Variants in PRR16 observed in about 807,000 individuals in gnomAD.
The protein encoded by PRR16 is protein Largen.
In PRR16, 6 loss-of-function variants were observed where a neutral mutation model predicts 18.2. The ratio of observed to expected loss-of-function variants is 0.33; its 90% CI spans 0.18 to 0.65. PRR16 has a LOEUF of 0.65. PRR16 is among the 30% of genes least tolerant of loss of function. The pLI, the probability that PRR16 is intolerant of heterozygous loss-of-function variation, is 0.74. For missense variants in PRR16, 412 were observed against 376.6 expected (o/e 1.09, Z -0.78); for synonymous variants, 151 against 147.8 (o/e 1.02, Z -0.16).
intron 1 of PRR16, among the ~76,000 whole-genome samples, chr5:120,612,698 T>A (rs1285679096): frequency 6.6e-6 from 1 of 152,176 alleles, no homozygotes; most frequent in Non-Finnish European, 1.5e-5. Context: ...CAGGTATGTC[T>A]TTACCGGCAG....
At chr5:120,679,815 C>A (rs1379083019) in intron 1 of PRR16, among the ~76,000 whole-genome samples, 6 of 151,982 alleles carry the variant, frequency 3.9e-5, no homozygotes. Flanking sequence ...ACAAAAACAA[C>A]AAAATCAGTG....
intron 1 of PRR16, among the ~76,000 whole-genome samples, chr5:120,619,880 A>G (rs561328409): frequency 6.6e-6 from 1 of 152,220 alleles, no homozygotes; most frequent in South Asian, 2.1e-4. Context: ...ACAGTCAAGT[A>G]GAAGACTAAA....
At chr5:120,598,959 A>G (rs746230730) in intron 1 of PRR16, among the ~76,000 whole-genome samples, 3 of 151,910 alleles carry the variant, frequency 2.0e-5, no homozygotes, top group Non-Finnish European at 4.4e-5. Context: ...TCTTTATATT[A>G]TAGGTTTGCC....
intron 1 of PRR16, among the ~76,000 whole-genome samples, chr5:120,473,440 A>G (rs1358019947): frequency 2.6e-5 from 4 of 152,144 alleles, no homozygotes; most frequent in Non-Finnish European, 2.9e-5. Flanking sequence ...TGCAATATTG[A>G]GCACATTATT....
intron 1 of PRR16, among the ~76,000 whole-genome samples, chr5:120,664,881 A>G (rs1282796688): frequency 6.6e-6 from 1 of 151,328 alleles, no homozygotes; most frequent in Admixed American, 6.6e-5. Context: ...GTTGGTTCCA[A>G]GTCTTTGCTA....
the PRR16 span, among the ~76,000 whole-genome samples, chr5:120,713,751 A>G: frequency 6.6e-6 from 1 of 152,162 alleles, no homozygotes; most frequent in Non-Finnish European, 1.5e-5. Context: ...TGATAATTTT[A>G]AGGTTAATAA....
At chr5:120,522,261 T>C (rs1053953483) in intron 1 of PRR16, among the ~76,000 whole-genome samples, 2 of 152,224 alleles carry the variant, frequency 1.3e-5, no homozygotes, top group Non-Finnish European at 2.9e-5. Context: ...TCTTCCACAA[T>C]GGTTGAACTA....
intron 1 of PRR16, among the ~76,000 whole-genome samples, chr5:120,674,716 C>G (rs1278528270): frequency 1.3e-5 from 2 of 151,998 alleles, no homozygotes; most frequent in Non-Finnish European, 2.9e-5. Flanking sequence ...TTATTACCAT[C>G]TCACAATTTC....
intron 1 of PRR16, among the ~76,000 whole-genome samples, chr5:120,675,230 A>G (rs556265051): frequency 4.1e-4 from 62 of 152,284 alleles, no homozygotes; most frequent in Non-Finnish European, 7.6e-4. Flanking sequence ...GACTTTCCCA[A>G]TGAAAAAAAT....
At chr5:120,690,946 G>T (rs574047447), downstream of PRR16, among the ~76,000 whole-genome samples, 50 of 152,232 alleles carry the variant, frequency 3.3e-4, no homozygotes, top group African/African-American at 1.1e-3. Context: ...TCGACATGGG[G>T]TATGGAATTG....
the PRR16 span, among the ~76,000 whole-genome samples, chr5:120,772,517 C>T: frequency 5.3e-5 from 8 of 151,964 alleles, no homozygotes; most frequent in African/African-American, 1.9e-4. Flanking sequence ...TTAATAAACT[C>T]AATATTTCCT....
chr5:120,526,912 C>G (rs1307757306), intron 1 of PRR16, among the ~76,000 whole-genome samples: 3 of 152,048 alleles, frequency 2.0e-5, no homozygotes, highest in Admixed American at 2.0e-4. Flanking sequence ...TTTAAGTATA[C>G]AATATATTGT....
Position 120,686,305 on chromosome 5 carries a change from A to G in PRR16, c.511A>G (p.Ile171Val), listed in dbSNP as rs910333808. 3 of 1,614,054 alleles carry G rather than the reference A, an allele frequency of 1.9e-6. No homozygotes were observed. The African/African-American group carries it at 4.0e-5, about 22-fold the overall frequency. Residue 171 changes from isoleucine (I) to valine (V), a missense_variant, in exon 2 of 2, where the codon ATC becomes GTC. Ile to Val is a conservative substitution (Grantham distance 29). Transcript: ENST00000407149. ...GGPNKIPNGD[I>V]CCIPNSNLDK... ...ACCTAACAAAATTCCAAATGGAGAT[A>G]TCTGCTGCATACCCAACAGTAACTT...
chr5:120,629,339 C>T (rs1409361890), intron 1 of PRR16, among the ~76,000 whole-genome samples: 1 of 151,966 alleles, frequency 6.6e-6, no homozygotes, highest in Non-Finnish European at 1.5e-5. Flanking sequence ...CAATAATATA[C>T]TCAATAATGA....
At chr5:120,613,881 A>G (rs1036514435) in intron 1 of PRR16, among the ~76,000 whole-genome samples, 3 of 152,210 alleles carry the variant, frequency 2.0e-5, no homozygotes, top group Admixed American at 6.5e-5. Context: ...TTTAGGCAAT[A>G]AACAAATTTC....
intron 1 of PRR16, among the ~76,000 whole-genome samples, chr5:120,493,839 C>A (rs1750150657): frequency 6.6e-6 from 1 of 152,078 alleles, no homozygotes; most frequent in Non-Finnish European, 1.5e-5. Context: ...TCTGGAGATT[C>A]ATGCAGGTTA....
intron 1 of PRR16, among the ~76,000 whole-genome samples, chr5:120,657,225 G>T (rs144118381): frequency 6.6e-6 from 1 of 151,906 alleles, no homozygotes; most frequent in Non-Finnish European, 1.5e-5. Flanking sequence ...CAATTAGCAT[G>T]CCTCTTGCCA....
At chr5:120,770,611 A>G in the PRR16 span, among the ~76,000 whole-genome samples, 1 of 152,064 alleles carries the variant, frequency 6.6e-6, no homozygotes, top group Non-Finnish European at 1.5e-5. Context: ...AAACAAAAGG[A>G]ATAATCAACA....
intron 1 of PRR16, among the ~76,000 whole-genome samples, chr5:120,499,064 T>G (rs756040001): frequency 2.6e-5 from 4 of 152,008 alleles, no homozygotes; most frequent in Non-Finnish European, 4.4e-5. Context: ...GGTTTGTAAG[T>G]CTTTTGCCAA....
Sources: gnomAD v4.1 joint callset for allele counts (sites outside exome capture counted in the v4.1 genomes callset) on GRCh38, gnomAD v4.1.1 for gene constraint, MANE v1.5 for transcripts, NCBI Gene and HGNC (gene_info 2026-07-23, HGNC 2026-07-21) for gene names.